FSIP1: variants seen among roughly 807,000 people sequenced by gnomAD.
FSIP1 encodes fibrous sheath interacting protein 1.
FSIP1 carries 65 observed loss-of-function variants against 60.9 expected under a neutral mutation model. That is an observed-to-expected ratio of 1.07 (90% CI 0.87 to 1.31). FSIP1 has a LOEUF of 1.31. Among genes scored for constraint, FSIP1 ranks in the 40% most tolerant of loss-of-function variants. FSIP1 has a pLI of 0.00. For synonymous variants in FSIP1, 209 were observed against 221.2 expected (o/e 0.94, Z 0.49); for missense variants, 675 against 665.5 (o/e 1.01, Z -0.16).
intron 10 of FSIP1, among the ~76,000 whole-genome samples, chr15:39,636,105 T>C (rs1004338397): frequency 1.3e-5 from 2 of 152,166 alleles, no homozygotes; most frequent in Non-Finnish European, 2.9e-5. Flanking sequence ...CTTGCTCTTA[T>C]AGTAGTACGT....
chr15:39,654,908 C>T (rs1190742117), intron 10 of FSIP1, among the ~76,000 whole-genome samples: 2 of 152,196 alleles, frequency 1.3e-5, no homozygotes, highest in African/African-American at 4.8e-5. Flanking sequence ...GGCTTAAAGG[C>T]AAATCATGAA....
intron 9 of FSIP1, among the ~76,000 whole-genome samples, chr15:39,721,368 C>A (rs1387139216): frequency 6.6e-6 from 1 of 152,226 alleles, no homozygotes; most frequent in Non-Finnish European, 1.5e-5. Context: ...TTTAAAATAT[C>A]ATGCCTTCAT....
rs570561465 is a variant in FSIP1 at position 39,674,491 on chromosome 15, G to A, written c.1188+38953C>T. Among the ~76,000 whole-genome samples, 44 of 152,094 alleles carry A rather than the reference G, an allele frequency of 2.9e-4. No homozygotes were observed. The South Asian group carries it at 7.9e-3, about 27-fold the overall frequency. On this transcript the variant is annotated intron_variant, in intron 10 of 11. Transcript: ENST00000350221. ...CAAGGAGGGGACCTGCACCCTATCAGATATCAGCATTTCTTACAAGGCTAA... is the reference window on the plus strand; with the variant it reads ...CAAGGAGGGGACCTGCACCCTATCAAATATCAGCATTTCTTACAAGGCTAA...
chr15:39,684,000 C>G lies in FSIP1; in HGVS notation c.1188+29444G>C, dbSNP rs534028911. 1.8e-3 allele frequency among the ~76,000 whole-genome samples: 276 copies of G among 152,254 alleles called. 1 individual carries two copies. The highest frequency in any genetic ancestry group is 4.7e-3 in the Admixed American group (72 of 15,300). On this transcript the variant is annotated intron_variant, in intron 10 of 11. Coordinates refer to ENST00000350221, the MANE Select transcript of FSIP1 (RefSeq NM_152597.5). ...AATTGGACAATTCGGCATAATAAAG[C>G]CATCTGTTCTCACCAAACTTATCTA...
At chr15:39,771,406 T>C (rs2140723132) in intron 2 of FSIP1, among the ~76,000 whole-genome samples, 2 of 152,330 alleles carry the variant, frequency 1.3e-5, no homozygotes, top group Middle Eastern at 3.4e-3. Flanking sequence ...TTGTGTTTTC[T>C]CTGCACCACA....
rs1049737543 is a variant in FSIP1 at position 39,607,855 on chromosome 15, G to A, written c.1700-6929C>T. 5.3e-5 allele frequency among the ~76,000 whole-genome samples: 8 copies of A among 152,086 alleles called. 1 individual carries two copies. The highest frequency in any genetic ancestry group is 1.2e-4 in the Non-Finnish European group (8 of 68,012). Reference sequence around the variant, plus strand: ...CTGTCTGCTTCCAGAAATCTAATCCGAATCACACTCTTGTGTATCTATTTC... The same window carrying A: ...CTGTCTGCTTCCAGAAATCTAATCCAAATCACACTCTTGTGTATCTATTTC... On this transcript the variant is annotated intron_variant, in intron 11 of 11. Transcript: ENST00000350221.
At chr15:39,651,682 T>A (rs887097098) in intron 10 of FSIP1, among the ~76,000 whole-genome samples, 2 of 152,250 alleles carry the variant, frequency 1.3e-5, no homozygotes, top group African/African-American at 4.8e-5. Flanking sequence ...TTGACTAGTG[T>A]TATTGTTATA....
chr15:39,757,863 C>T (rs1478075885), intron 5 of FSIP1, among the ~76,000 whole-genome samples: 1 of 152,098 alleles, frequency 6.6e-6, no homozygotes, highest in Non-Finnish European at 1.5e-5. Context: ...TCTTGTATTC[C>T]CTTTTCCTTT....
chr15:39,695,639 G>A (rs1389526364), intron 10 of FSIP1, among the ~76,000 whole-genome samples: 1 of 152,158 alleles, frequency 6.6e-6, no homozygotes, highest in Non-Finnish European at 1.5e-5. Flanking sequence ...CTTTTTGACA[G>A]ATAGTTAAAT....
At chr15:39,677,559 GAATT>G in intron 10 of FSIP1, among the ~76,000 whole-genome samples, 1 of 152,166 alleles carries the variant, frequency 6.6e-6, no homozygotes, top group African/African-American at 2.4e-5. Flanking sequence ...CTACCCCTAG[GAATT>G]TATCTGAAGG....
In FSIP1 at chr15:39,609,836, G is replaced by T. The variant is rs551704461; in HGVS notation, c.1699+7899C>A. ...GTCCAGCTAGTGATCTGTCTCATCA[G>T]ACCACAGAGCACAGCCAGAAGTTCC... is the stretch of plus-strand genomic sequence containing the variant. On this transcript the variant is annotated intron_variant, in intron 11 of 11. Transcript: ENST00000350221. Among the ~76,000 whole-genome samples the T allele has an allele frequency of 3.0e-3, 453 of 152,362 alleles. 1 individual carries two copies. The highest frequency in any genetic ancestry group is 0.011 in the African/African-American group (441 of 41,582).
chr15:39,641,967 T>C (rs752292200), intron 10 of FSIP1, among the ~76,000 whole-genome samples: 1 of 152,168 alleles, frequency 6.6e-6, no homozygotes, highest in South Asian at 2.1e-4. Flanking sequence ...AAATGCAAAT[T>C]GCAGTCACAA....
chr15:39,773,472 C>T lies in FSIP1; in HGVS notation c.127-2862G>A, dbSNP rs148659302. 1.2e-4 allele frequency among the ~76,000 whole-genome samples: 18 copies of T among 152,282 alleles called. No homozygotes were observed. In the East Asian group the frequency reaches 2.5e-3, roughly 21 times the overall value. On this transcript the variant is annotated intron_variant, in intron 2 of 11. Transcript: ENST00000350221. ...TAGGTTCAAATAAAATCTGAGTTTA[C>T]GTGATCACTGATATTCTCCTTTTAA...
In FSIP1 at chr15:39,713,556, T is replaced by A; in HGVS notation, c.1076A>T (p.Asn359Ile). The A allele has an allele frequency of 6.2e-7, 1 of 1,601,542 alleles. No homozygotes were observed. Among genetic ancestry groups the A allele is most frequent in the Non-Finnish European group, 8.5e-7 (1 of 1,175,706 alleles). Reference protein sequence around the residue: ...NQKPDRDGERNMEVTPGEKIL... With the variant: ...NQKPDRDGERIMEVTPGEKIL... Reference sequence around the variant, plus strand: ...CTTTTCTCCTGGAGTTACTTCCATATTTCTTTCACCATCACGGTCAGGTTT... The same window carrying A: ...CTTTTCTCCTGGAGTTACTTCCATAATTCTTTCACCATCACGGTCAGGTTT... Residue 359 changes from asparagine (N) to isoleucine (I), a missense_variant, in exon 10 of 12, where the codon AAT becomes ATT. Transcript: ENST00000350221.
At chr15:39,733,825 G>A (rs139942123) in intron 8 of FSIP1, among the ~76,000 whole-genome samples, 9 of 152,150 alleles carry the variant, frequency 5.9e-5, no homozygotes, top group East Asian at 1.9e-4. Flanking sequence ...GACAAAATCC[G>A]CATAGGAATG....
intron 10 of FSIP1, among the ~76,000 whole-genome samples, chr15:39,712,687 C>CTGG: frequency 6.6e-6 from 1 of 152,140 alleles, no homozygotes; most frequent in African/African-American, 2.4e-5. Context: ...CAGCTGAAAA[C>CTGG]ATTCTATGGG....
intron 10 of FSIP1, among the ~76,000 whole-genome samples, chr15:39,626,255 A>G (rs1198254220): frequency 6.6e-6 from 1 of 152,234 alleles, no homozygotes; most frequent in African/African-American, 2.4e-5. Flanking sequence ...AAGAGAAGGT[A>G]TCCTCAGAAC....
chr15:39,719,599 T>C (rs961090880), intron 9 of FSIP1, among the ~76,000 whole-genome samples: 12 of 152,236 alleles, frequency 7.9e-5, no homozygotes, highest in African/African-American at 2.2e-4. Flanking sequence ...TGCGTTAGGA[T>C]TGGGAAAATA....
chr15:39,745,112 T>A, intron 5 of FSIP1, among the ~76,000 whole-genome samples: 1 of 88,648 alleles, frequency 1.1e-5, no homozygotes, highest in African/African-American at 4.6e-5. Context: ...CACCCCGCCA[T>A]CCCCAGGCCA....
Sources: allele counts gnomAD v4.1 joint callset (sites outside exome capture counted in the v4.1 genomes callset), GRCh38; gene constraint gnomAD v4.1.1; transcripts MANE v1.5; gene names NCBI Gene and HGNC (gene_info 2026-07-23, HGNC 2026-07-21).